The following THSD7A variants were observed in gnomAD, a reference collection of about 807,000 sequenced individuals.
THSD7A encodes thrombospondin type-1 domain-containing protein 7A.
In THSD7A, 96 loss-of-function variants were observed where a neutral mutation model predicts 231.3. The observed-to-expected ratio is 0.41, with a 90% CI of 0.35 to 0.49. THSD7A has a LOEUF of 0.49. Ranked by LOEUF, THSD7A falls within the 20% of genes least tolerant of loss-of-function variation. The pLI is 0.05. For missense variants in THSD7A, 2,290 were observed against 2,070.2 expected, an observed-to-expected ratio of 1.11 and a Z score of -2.06; for synonymous variants, 940 against 743.3, an observed-to-expected ratio of 1.26 and a Z score of -4.30.
At chr7:11,696,068 G>A (rs1466861272) in intron 1 of THSD7A, among the ~76,000 whole-genome samples, 1 of 151,450 alleles carries the variant, frequency 6.6e-6, no homozygotes, top group Non-Finnish European at 1.5e-5. Flanking sequence ...AGTTATTTGG[G>A]GAATGCTGAG....
At chr7:11,392,008 G>T (rs1371244301) in intron 23 of THSD7A, among the ~76,000 whole-genome samples, 1 of 152,088 alleles carries the variant, frequency 6.6e-6, no homozygotes, top group Non-Finnish European at 1.5e-5. Flanking sequence ...CATTGATCTC[G>T]CTGGGATCTG....
intron 4 of THSD7A, among the ~76,000 whole-genome samples, chr7:11,564,030 C>T (rs1790192561): frequency 6.6e-6 from 1 of 152,138 alleles, no homozygotes; most frequent in Non-Finnish European, 1.5e-5. Context: ...TTACATAAAC[C>T]TGTTGACTTT....
chr7:11,689,531 G>A (rs1041529857), intron 1 of THSD7A, among the ~76,000 whole-genome samples: 1 of 151,430 alleles, frequency 6.6e-6, no homozygotes, highest in Non-Finnish European at 1.5e-5. Flanking sequence ...AGAAGCCCAC[G>A]TTTTTTTCTT....
chr7:11,494,953 A>C (rs1211484119), intron 6 of THSD7A, among the ~76,000 whole-genome samples: 1 of 152,068 alleles, frequency 6.6e-6, no homozygotes, highest in Non-Finnish European at 1.5e-5. Context: ...GAAATAATCA[A>C]ATGTATGAGT....
chr7:11,797,405 C>CCT (rs1327947307), intron 1 of THSD7A, among the ~76,000 whole-genome samples: 4 of 146,944 alleles, frequency 2.7e-5, no homozygotes, highest in East Asian at 3.9e-4. Flanking sequence ...TTTCTTTCTG[C>CCT]CTCTCTCTTT....
intron 4 of THSD7A, among the ~76,000 whole-genome samples, chr7:11,559,505 A>G (rs201950338): frequency 2.0e-5 from 3 of 148,040 alleles, no homozygotes; most frequent in Non-Finnish European, 4.5e-5. Context: ...CCATACATAT[A>G]CATATATATA....
intron 1 of THSD7A, among the ~76,000 whole-genome samples, chr7:11,830,698 A>C (rs1329585697): frequency 6.6e-6 from 1 of 152,194 alleles, no homozygotes; most frequent in African/African-American, 2.4e-5. Flanking sequence ...ATAGTGATGC[A>C]ATTGTAGAGT....
intron 2 of THSD7A, among the ~76,000 whole-genome samples, chr7:11,600,046 C>A (rs949407587): frequency 1.3e-5 from 2 of 151,894 alleles, no homozygotes; most frequent in African/African-American, 4.8e-5. Flanking sequence ...CGGACTGGCT[C>A]TCCTAGCTCC....
intron 1 of THSD7A, among the ~76,000 whole-genome samples, chr7:11,793,508 T>C (rs1784022842): frequency 6.6e-6 from 1 of 151,706 alleles, no homozygotes; most frequent in African/African-American, 2.4e-5. Context: ...CTATAATGTT[T>C]TTAGTTTTAG....
rs1781928914 is a variant in THSD7A, at chr7:11,637,830, T to C, written c.191-869A>G. Among the ~76,000 whole-genome samples the C allele has an allele frequency of 6.6e-6, 1 of 152,212 alleles. No homozygotes were observed. Among genetic ancestry groups the C allele is most frequent in the Admixed American group, 6.5e-5 (1 of 15,286 alleles). On this transcript the variant is annotated intron_variant, in intron 1 of 27. Transcript: ENST00000423059. The surrounding 1 kb of genome is among the most constrained non-coding windows in gnomAD (Gnocchi z 4.2). ...TTAGAATAAACTTTATATTCACATA[T>C]ATTATTTTTTTCTAAGGTAGATGAT...
At position 11,709,804 on chromosome 7, in the gene THSD7A, G is replaced by C. The variant is rs77410524; in HGVS notation, c.191-72843C>G. On this transcript the variant is annotated intron_variant, in intron 1 of 27. Transcript: ENST00000423059. ...CACAGAGAATACAGCAAGTTTGTTT[G>C]TCAAGAAATGTAGAAATTCCTGCCA... 6.0e-4 allele frequency among the ~76,000 whole-genome samples: 90 copies of C among 150,902 alleles called. No homozygotes were observed. The East Asian group carries it at 0.017, about 29-fold the overall frequency.
chr7:11,633,011 G>A (rs1228914317), intron 2 of THSD7A, among the ~76,000 whole-genome samples: 1 of 151,970 alleles, frequency 6.6e-6, no homozygotes, highest in Non-Finnish European at 1.5e-5. Flanking sequence ...CTATGTCATT[G>A]ACTCTTTTCA....
At chr7:11,429,927 T>A (rs1293960828) in intron 13 of THSD7A, among the ~76,000 whole-genome samples, 1 of 152,116 alleles carries the variant, frequency 6.6e-6, no homozygotes, top group Non-Finnish European at 1.5e-5. Flanking sequence ...GAAATGGGAG[T>A]ATTTTCTTTC....
rs1790701410 is a variant in THSD7A, at chr7:11,572,782, A to C, written c.1453+17678T>G. ...CAGCCTCCCAGAGTGCTGGGATTAA[A>C]GTCCTCGTCTGCTGATTCTTATATC... On this transcript the variant is annotated intron_variant, in intron 4 of 27. Coordinates refer to ENST00000423059, the MANE Select transcript of THSD7A (RefSeq NM_015204.3). 2.0e-5 allele frequency among the ~76,000 whole-genome samples: 3 copies of C among 152,112 alleles called. No individual in the cohort carries two copies. The South Asian group carries it at 6.2e-4, about 32-fold the overall frequency.
Position 11,820,983 on chromosome 7 carries a change from G to A in THSD7A, c.190+10774C>T, listed in dbSNP as rs937598677. 32 of 1,034,374 alleles carry A rather than the reference G, an allele frequency of 3.1e-5. No homozygotes were observed. The African/African-American group carries it at 4.6e-4, about 15-fold the overall frequency. The allele number at this position is 1,034,374 out of a possible 1,614,324, so 64.1% of individuals were successfully genotyped here. ...TTCAATATCAAGGCGGAGATCAACA[G>A]GATCATCTCTGTATTTTCCCTCAGC... On this transcript the variant is annotated intron_variant, in intron 1 of 27. Transcript: ENST00000423059.
Position 11,566,965 on chromosome 7 carries a change from T to TAGCGGGGGCGGG in THSD7A, c.1453+23494_1453+23495insCCCGCCCCCGCT. Reference sequence around the variant, plus strand: ...CAAAGTGGATCCAGCTGTGGGAGAGTGGGGGGGGGACTGACCAACAAAGTT... The same window carrying TAGCGGGGGCGGG: ...CAAAGTGGATCCAGCTGTGGGAGAGTAGCGGGGGCGGGGGGGGGGGGACTGACCAACAAAGTT... On this transcript the variant is annotated intron_variant, in intron 4 of 27. Transcript: ENST00000423059. 3.3e-5 allele frequency among the ~76,000 whole-genome samples: 3 copies of TAGCGGGGGCGGG among 92,306 alleles called. 1 individual carries two copies. The East Asian group carries it at 9.8e-4, about 30-fold the overall frequency. 60.6% of individuals were successfully genotyped at this position (92,306 alleles called of 152,430 possible).
At chr7:11,396,323 C>G (rs1363814600) in intron 23 of THSD7A, among the ~76,000 whole-genome samples, 3 of 151,602 alleles carry the variant, frequency 2.0e-5, no homozygotes, top group Non-Finnish European at 4.4e-5. Flanking sequence ...CATGAAACAC[C>G]CTTAAAAAAA....
At chr7:11,384,444 C>T (rs1782649386) in intron 23 of THSD7A, 1 of 151,656 alleles carries the variant, frequency 6.6e-6, no homozygotes, top group Non-Finnish European at 1.5e-5. Flanking sequence ...CCTTCTCTAC[C>T]TTGAGTTCAT....
intron 1 of THSD7A, among the ~76,000 whole-genome samples, chr7:11,760,297 T>C (rs1212872525): frequency 6.6e-6 from 1 of 152,094 alleles, no homozygotes; most frequent in Non-Finnish European, 1.5e-5. Flanking sequence ...ATAATGTTTG[T>C]TGTAAGAAAG....
Sources: gnomAD v4.1 joint callset for allele counts (sites outside exome capture counted in the v4.1 genomes callset) on GRCh38, gnomAD v4.1.1 for gene constraint, Gnocchi (gnomAD v3.1) non-coding constraint, MANE v1.5 for transcripts, NCBI Gene and HGNC (gene_info 2026-07-23, HGNC 2026-07-21) for gene names.